HTRA4: variants seen among roughly 807,000 people sequenced by gnomAD.
The protein encoded by HTRA4 is HtrA serine peptidase 4.
In HTRA4, 46 loss-of-function variants were observed where a neutral mutation model predicts 49.1. That is an observed-to-expected ratio of 0.94 (90% confidence interval 0.74 to 1.20). The LOEUF (loss-of-function observed/expected upper bound fraction) is 1.20, where lower values mean the gene tolerates loss of function less well. HTRA4 is among the 50% of genes most tolerant of loss of function. The pLI, the probability that HTRA4 is intolerant of heterozygous loss-of-function variation, is 0.00. For missense variants in HTRA4, 602 were observed against 636.9 expected (o/e 0.95, Z 0.59); for synonymous variants, 261 against 264.0 (o/e 0.99, Z 0.11).
At chr8:38,979,192 T>A (rs763364109) in intron 4 of HTRA4, 23 bp from the exon 5 acceptor site, 3 of 1,606,462 alleles carry the variant, frequency 1.9e-6, no homozygotes, top group East Asian at 4.5e-5. Flanking sequence ...TTCACTGATG[T>A]CTTTTTCAAA....
intron 8 of HTRA4, among the ~76,000 whole-genome samples, chr8:38,984,331 G>T (rs577275894): frequency 6.6e-6 from 1 of 151,612 alleles, no homozygotes; most frequent in African/African-American, 2.4e-5. Context: ...CACATTTTTC[G>T]GCTGGGCATG....
intron 4 of HTRA4, among the ~76,000 whole-genome samples, chr8:38,978,504 G>A (rs1362852754): frequency 6.6e-6 from 1 of 152,158 alleles, no homozygotes; most frequent in Non-Finnish European, 1.5e-5. Context: ...GACTTAGGAG[G>A]CCTTTCCTCA....
intron 8 of HTRA4, among the ~76,000 whole-genome samples, chr8:38,987,248 G>A (rs1466610602): frequency 3.3e-5 from 5 of 152,078 alleles, no homozygotes. Context: ...GGCTATTTCT[G>A]TATTGTAGTG....
rs965258466 is a variant in HTRA4 at position 38,976,599 on chromosome 8, G to A, written c.631G>A (p.Gly211Arg). The A allele has an allele frequency of 2.5e-6, 4 of 1,614,080 alleles. No homozygotes were observed. The highest frequency in any genetic ancestry group is 2.7e-5 in the African/African-American group (2 of 74,996). Residue 211 changes from glycine (G) to arginine (R), a missense_variant, in exon 3 of 9, where the codon GGG becomes AGG. Gly to Arg is a moderately radical substitution (Grantham distance 125). Coordinates refer to ENST00000302495, the MANE Select transcript of HTRA4 (RefSeq NM_153692.4). ...CTCTGGGTTCATAGTGTCTGAGGACGGGCTCATTATTACCAATGCCCATGT... is the reference window on the plus strand; with the variant it reads ...CTCTGGGTTCATAGTGTCTGAGGACAGGCTCATTATTACCAATGCCCATGT... Reference protein sequence around the residue: ...SGSGFIVSEDGLIITNAHVVR... With the variant: ...SGSGFIVSEDRLIITNAHVVR...
chr8:38,977,848 T>A, intron 3 of HTRA4, 105 bp from the exon 4 acceptor site: 1 of 1,178,384 alleles, frequency 8.5e-7, no homozygotes, highest in Non-Finnish European at 1.2e-6. Context: ...GCCAAGGTGA[T>A]AGAGACAGCG....
At chr8:38,978,450 C>G (rs1174973751) in intron 4 of HTRA4, among the ~76,000 whole-genome samples, 1 of 152,226 alleles carries the variant, frequency 6.6e-6, no homozygotes, top group Non-Finnish European at 1.5e-5. Context: ...GAAAAATTGT[C>G]TTCCACAAAG....
In HTRA4 at chr8:38,976,621, A is replaced by T. The variant is rs778104797; in HGVS notation, c.653A>T (p.His218Leu). Residue 218 changes from histidine (H) to leucine (L), a missense_variant, in exon 3 of 9, where the codon CAT becomes CTT. His to Leu is a moderately conservative substitution (Grantham distance 99). Transcript: ENST00000302495. ...GACGGGCTCATTATTACCAATGCCC[A>T]TGTTGTCAGGAACCAGCAGTGGATT... ...SEDGLIITNA[H>L]VVRNQQWIEV... The T allele has an allele frequency of 6.2e-7, 1 of 1,614,138 alleles. No homozygotes were observed. The highest frequency in any genetic ancestry group is 1.1e-5 in the South Asian group (1 of 91,078).
In HTRA4 at chr8:38,988,218, A is replaced by G; in HGVS notation, c.*120A>G. The G allele has an allele frequency of 1.1e-6, 1 of 881,016 alleles. No homozygotes were observed. Among genetic ancestry groups the G allele is most frequent in the Non-Finnish European group, 1.7e-6 (1 of 599,028 alleles). The allele number at this position is 881,016 out of a possible 1,614,324, so 54.6% of individuals were successfully genotyped here. A position where few individuals can be genotyped will look rare whatever the true frequency, so the allele number is the denominator to read the frequency against. On this transcript the variant is annotated 3_prime_UTR_variant, in exon 9 of 9. Coordinates refer to ENST00000302495, the MANE Select transcript of HTRA4 (RefSeq NM_153692.4). ...TTGGATCTTTTTCTTACAAAGAAAA[A>G]TGGATGGTTATCAACCCAAATGCCC...
rs965258466 is a variant in HTRA4, at chr8:38,976,599, G to T, written c.631G>T (p.Gly211Trp). The T allele has an allele frequency of 6.2e-7, 1 of 1,613,962 alleles. No individual in the cohort carries two copies. Among genetic ancestry groups the T allele is most frequent in the Non-Finnish European group, 8.5e-7 (1 of 1,180,030 alleles). Residue 211 changes from glycine (G) to tryptophan (W), a missense_variant, in exon 3 of 9, where the codon GGG becomes TGG. By Grantham distance (184) the Gly-to-Trp change is radical. Coordinates refer to ENST00000302495, the MANE Select transcript of HTRA4 (RefSeq NM_153692.4). ...CTCTGGGTTCATAGTGTCTGAGGAC[G>T]GGCTCATTATTACCAATGCCCATGT... ...SGSGFIVSED[G>W]LIITNAHVVR...
chr8:38,982,948 C>T lies in HTRA4; in HGVS notation c.1173-5C>T, dbSNP rs770165390. On this transcript the variant is annotated splice_region_variant and splice_polypyrimidine_tract_variant and intron_variant, in intron 7 of 8. Transcript: ENST00000302495. ...ATTGTTTCCTAATCTTCTCACTTCT[C>T]TTAGCCTTAGTGAAGAATTGAAAAT... 1 of 1,600,572 alleles carries T rather than the reference C, an allele frequency of 6.2e-7. No individual in the cohort carries two copies. The highest frequency in any genetic ancestry group is 1.7e-5 in the Admixed American group (1 of 59,750).
intron 8 of HTRA4, among the ~76,000 whole-genome samples, chr8:38,985,145 C>T (rs1439712493): frequency 2.0e-5 from 3 of 148,490 alleles, no homozygotes; most frequent in Non-Finnish European, 4.5e-5. Flanking sequence ...TTCTCCTGGG[C>T]TTTTCTGTTG....
At position 38,987,976 on chromosome 8, in the gene HTRA4, G is replaced by A. The variant is rs749655775; in HGVS notation, c.1309G>A (p.Gly437Arg). The A allele has an allele frequency of 2.0e-5, 32 of 1,606,276 alleles. No individual in the cohort carries two copies. The highest frequency in any genetic ancestry group is 2.7e-5 in the Non-Finnish European group (32 of 1,177,882). The stretch of plus-strand genomic sequence containing the variant: ...TCACGATGTAATTGTCAACATAAAT[G>A]GGAAACCTATTACTACTACAACTGA... ...RDHDVIVNIN[G>R]KPITTTTDVV... Residue 437 changes from glycine (G) to arginine (R), a missense_variant, in exon 9 of 9, where the codon GGG (glycine) becomes AGG (arginine). By Grantham distance (125) the Gly-to-Arg change is moderately radical (BLOSUM62 -2). Transcript: ENST00000302495.
chr8:38,978,993 CAAA>C (rs34275087), intron 4 of HTRA4, among the ~76,000 whole-genome samples: 4 of 120,272 alleles, frequency 3.3e-5, no homozygotes, highest in Non-Finnish European at 1.7e-5. Context: ...GACTCCGTCT[CAAA>C]AAAAAAAAAA....
At position 38,978,156 on chromosome 8, in the gene HTRA4, C is replaced by T; in HGVS notation, c.966+9C>T. 1 of 1,608,044 alleles carries T rather than the reference C, an allele frequency of 6.2e-7. No individual in the cohort carries two copies. On this transcript the variant is annotated intron_variant, in intron 4 of 8. Transcript: ENST00000302495. The stretch of plus-strand genomic sequence containing the variant: ...TTGATGCCACAATTAATGTAAGTCA[C>T]TTAGGACAGAGGTGCCCAACCCATG...
Position 38,977,978 on chromosome 8 carries a change from G to A in HTRA4, c.797G>A (p.Gly266Glu), listed in dbSNP as rs770840366. 4.3e-6 allele frequency: 7 copies of A among 1,613,956 alleles called. No homozygotes were observed. The highest frequency in any genetic ancestry group is 1.7e-5 in the Admixed American group (1 of 60,000). The change falls in exon 4 of 9, where the codon GGA (glycine) becomes GAA (glutamate). Residue 266 changes from glycine (G) to glutamate (E), a missense_variant. Physicochemically the swap from Gly to Glu is moderately conservative, Grantham distance 98. Coordinates refer to ENST00000302495, the MANE Select transcript of HTRA4 (RefSeq NM_153692.4). ...SNAELPVLMLGRSSDLRAGEF... is the reference protein window; with the variant it reads ...SNAELPVLMLERSSDLRAGEF... ...GCTGAACTTCCTGTACTGATGCTGG[G>A]AAGATCATCTGACCTTCGGGCTGGA...
chr8:38,977,970 G>A lies in HTRA4; in HGVS notation c.789G>A (p.Leu263=), dbSNP rs1413647437. ...KIESNAELPV[L]MLGRSSDLRA... ...ACGTGCAGGCTGAACTTCCTGTACTGATGCTGGGAAGATCATCTGACCTTC... is the reference window on the plus strand; with the variant it reads ...ACGTGCAGGCTGAACTTCCTGTACTAATGCTGGGAAGATCATCTGACCTTC... The change falls in exon 4 of 9, where the codon CTG becomes CTA. Residue 263 remains leucine, a synonymous_variant. Coordinates refer to ENST00000302495, the MANE Select transcript of HTRA4 (RefSeq NM_153692.4). 6.2e-7 allele frequency: 1 copy of A among 1,613,874 alleles called. No individual in the cohort carries two copies. The highest frequency in any genetic ancestry group is 8.5e-7 in the Non-Finnish European group (1 of 1,180,010).
chr8:38,983,638 G>A lies in HTRA4; in HGVS notation c.1268+590G>A, dbSNP rs576203354. Among the ~76,000 whole-genome samples the A allele has an allele frequency of 5.3e-4, 80 of 151,952 alleles. 2 individuals are homozygous for A. Among genetic ancestry groups the A allele is most frequent in the Admixed American group, 3.9e-3 (60 of 15,258 alleles). On this transcript the variant is annotated intron_variant, in intron 8 of 8. Transcript: ENST00000302495. ...AAAATAACTATTTTAAAAATATCAC[G>A]TTAAATGATAATATTTGGATATATT...
At chr8:38,976,273 G>T (rs978016018) in intron 2 of HTRA4, among the ~76,000 whole-genome samples, 1 of 152,080 alleles carries the variant, frequency 6.6e-6, no homozygotes, top group South Asian at 2.1e-4. Context: ...TTAGCCAGGC[G>T]TGGTGGTGCA....
Position 38,974,685 on chromosome 8 carries a change from A to T in HTRA4, c.422A>T (p.Lys141Met), listed in dbSNP as rs1325345300. 1 of 1,403,026 alleles carries T rather than the reference A, an allele frequency of 7.1e-7. No homozygotes were observed. 86.9% of individuals were successfully genotyped at this position (1,403,026 alleles called of 1,614,324 possible). A position where few individuals can be genotyped will look rare whatever the true frequency, so the allele number is the denominator to read the frequency against. ...AACCGCGCCGCGCGCCGCCTGGGCA[A>T]GGTCCCGGCCGTGCCTGTGCAGTGG... ...AENRAARRLG[K>M]VPAVPVQWGN... Residue 141 changes from lysine to methionine, a missense_variant, in exon 1 of 9, where the codon AAG becomes ATG. Physicochemically the swap from Lys to Met is moderately conservative, Grantham distance 95 (BLOSUM62 -1). Coordinates refer to ENST00000302495, the MANE Select transcript of HTRA4 (RefSeq NM_153692.4).
Sources: gnomAD v4.1 joint callset for allele counts (sites outside exome capture counted in the v4.1 genomes callset) on GRCh38, gnomAD v4.1.1 for gene constraint, MANE v1.5 for transcripts, NCBI Gene and HGNC (gene_info 2026-07-23, HGNC 2026-07-21) for gene names.